MTHFS: variants seen among roughly 807,000 people sequenced by gnomAD.
MTHFS encodes the protein methenyltetrahydrofolate synthetase.
Under a neutral mutation model 12.7 loss-of-function variants are expected in MTHFS, and 7 were observed. The observed-to-expected ratio is 0.55, with a 90% CI of 0.31 to 1.03. The LOEUF is 1.03. Ranked by LOEUF, MTHFS falls within the 50% of genes least tolerant of loss-of-function variation. The pLI is 0.05. For synonymous variants in MTHFS, 100 were observed against 97.1 expected, an observed-to-expected ratio of 1.03 and a Z score of -0.18; for missense variants, 252 against 258.1, an observed-to-expected ratio of 0.98 and a Z score of 0.16.
chr15:79,867,186 A>T (rs757135550), intron 2 of MTHFS, among the ~76,000 whole-genome samples: 1 of 152,126 alleles, frequency 6.6e-6, no homozygotes, highest in Non-Finnish European at 1.5e-5. Flanking sequence ...GTTCAGGTAT[A>T]TTGTCAGAGC....
At position 79,889,104 on chromosome 15, in the gene MTHFS, G is replaced by A; in HGVS notation, c.368C>T (p.Ala123Val). The A allele has an allele frequency of 3.7e-6, 6 of 1,614,110 alleles. No individual in the cohort carries two copies. Among genetic ancestry groups the A allele is most frequent in the Non-Finnish European group, 5.1e-6 (6 of 1,179,998 alleles). Residue 123 changes from alanine to valine, a missense_variant, in exon 2 of 3, where the codon GCC (alanine) becomes GTC (valine). Ala to Val is a moderately conservative substitution (Grantham distance 64, BLOSUM62 0). Coordinates refer to ENST00000258874, the MANE Select transcript of MTHFS (RefSeq NM_006441.4). ...ACCATAATACTCACCTGTGGACAAG[G>A]CCTCCTCCCGAACATCACCCTCACC... ...QPGEGDVREE[A>V]LSTGGLDLIF...
chr15:79,883,062 G>A (rs1220908778), intron 2 of MTHFS, among the ~76,000 whole-genome samples: 2 of 152,146 alleles, frequency 1.3e-5, no homozygotes, highest in Non-Finnish European at 2.9e-5. Context: ...AAATTAGTCA[G>A]GCATGGTAGT....
At chr15:79,875,470 G>A (rs778758977) in intron 2 of MTHFS, among the ~76,000 whole-genome samples, 27 of 152,136 alleles carry the variant, frequency 1.8e-4, no homozygotes, top group Non-Finnish European at 3.8e-4. Flanking sequence ...CCAAGACAAT[G>A]CAATACGGAA....
intron 2 of MTHFS, among the ~76,000 whole-genome samples, chr15:79,860,576 AC>A (rs2033894915): frequency 6.6e-6 from 1 of 152,196 alleles, no homozygotes; most frequent in African/African-American, 2.4e-5. Context: ...AGGTTAAAAA[AC>A]ATTTTAGAAA....
intron 2 of MTHFS, among the ~76,000 whole-genome samples, chr15:79,871,468 A>G (rs2141360389): frequency 6.6e-6 from 1 of 152,292 alleles, no homozygotes; most frequent in Non-Finnish European, 1.5e-5. Context: ...TCAAAAATTC[A>G]ATCATAAGCT....
chr15:79,851,406 T>A (rs753076501), intron 2 of MTHFS, among the ~76,000 whole-genome samples: 2 of 152,208 alleles, frequency 1.3e-5, no homozygotes, highest in Non-Finnish European at 2.9e-5. Flanking sequence ...TAATGAGTAG[T>A]CCCCTTGCTG....
chr15:79,847,669 C>CA (rs55956333), intron 2 of MTHFS, among the ~76,000 whole-genome samples: 94 of 75,322 alleles, frequency 1.2e-3, no homozygotes, highest in East Asian at 2.5e-3. Context: ...GACTCCGTCT[C>CA]AAAAAAAAAA....
At chr15:79,880,910 G>A (rs555355420) in intron 2 of MTHFS, among the ~76,000 whole-genome samples, 2 of 152,296 alleles carry the variant, frequency 1.3e-5, no homozygotes, top group East Asian at 3.9e-4. Context: ...AGGAGGAAGT[G>A]TTTAAATATG....
intron 2 of MTHFS, among the ~76,000 whole-genome samples, chr15:79,872,097 C>A (rs887576976): frequency 9.6e-5 from 11 of 114,784 alleles, no homozygotes; most frequent in African/African-American, 3.9e-4. Context: ...GAGCAAGACT[C>A]CGTCTCAAAA....
At chr15:79,896,467 A>T (rs2034569738) in intron 1 of MTHFS, among the ~76,000 whole-genome samples, 1 of 152,164 alleles carries the variant, frequency 6.6e-6, no homozygotes, top group African/African-American at 2.4e-5. Flanking sequence ...TCACTGAGGG[A>T]ACCTGGGCAC....
chr15:79,878,302 A>C (rs1345844927), intron 2 of MTHFS: 1 of 151,946 alleles, frequency 6.6e-6, no homozygotes, highest in Non-Finnish European at 1.5e-5. Context: ...AGCAGACTCA[A>C]CATCCAAAAA....
chr15:79,861,798 T>C (rs2033918193), intron 2 of MTHFS, among the ~76,000 whole-genome samples: 1 of 152,240 alleles, frequency 6.6e-6, no homozygotes, highest in Non-Finnish European at 1.5e-5. Context: ...AAGAGTTCTA[T>C]GGTTTATCAA....
intron 2 of MTHFS, among the ~76,000 whole-genome samples, chr15:79,849,148 GTGT>G (rs967882636): frequency 1.3e-5 from 2 of 152,144 alleles, no homozygotes; most frequent in African/African-American, 4.8e-5. Flanking sequence ...CGTACATGCG[GTGT>G]TGTTGTTGTA....
intron 2 of MTHFS, among the ~76,000 whole-genome samples, chr15:79,857,475 A>G (rs1224888251): frequency 6.6e-6 from 1 of 152,190 alleles, no homozygotes; most frequent in Non-Finnish European, 1.5e-5. Context: ...ACAGTACATT[A>G]TATTTCTTCA....
chr15:79,882,004 G>A (rs1244078882), intron 2 of MTHFS, among the ~76,000 whole-genome samples: 1 of 152,198 alleles, frequency 6.6e-6, no homozygotes, highest in East Asian at 1.9e-4. Flanking sequence ...AGAGAGGGAG[G>A]TCACCCAAAA....
At chr15:79,896,819 C>G (rs1423494089) in intron 1 of MTHFS, 53 bp downstream of exon 1, 1 of 1,536,352 alleles carries the variant, frequency 6.5e-7, no homozygotes, top group Non-Finnish European at 8.7e-7. Context: ...CGCTGGCCGC[C>G]AGGCCTTCGG....
At chr15:79,849,370 T>A (rs1468211920) in intron 2 of MTHFS, among the ~76,000 whole-genome samples, 1 of 152,130 alleles carries the variant, frequency 6.6e-6, no homozygotes, top group Admixed American at 6.5e-5. Flanking sequence ...CTTACCACCA[T>A]CCCCACATGC....
chr15:79,846,661 C>T (rs183569228), intron 2 of MTHFS, among the ~76,000 whole-genome samples: 1 of 152,150 alleles, frequency 6.6e-6, no homozygotes, highest in Non-Finnish European at 1.5e-5. Context: ...CCCCTGTAAA[C>T]CTCCTTGTCT....
chr15:79,866,784 C>A (rs766449610), intron 2 of MTHFS, among the ~76,000 whole-genome samples: 2 of 152,128 alleles, frequency 1.3e-5, no homozygotes, highest in Admixed American at 6.5e-5. Flanking sequence ...AACCCCACCT[C>A]TACCAAAAAC....
Sources: gnomAD v4.1 joint callset for allele counts (sites outside exome capture counted in the v4.1 genomes callset) on GRCh38, gnomAD v4.1.1 for gene constraint, MANE v1.5 for transcripts, NCBI Gene and HGNC (gene_info 2026-07-23, HGNC 2026-07-21) for gene names.